Variants in ARHGEF3 observed in about 807,000 individuals in gnomAD.
The protein encoded by ARHGEF3 is Rho guanine nucleotide exchange factor 3.
Under a neutral mutation model 63.2 loss-of-function variants are expected in ARHGEF3, and 28 were observed. The observed-to-expected ratio is 0.44, with a 90% CI of 0.33 to 0.61. The LOEUF (loss-of-function observed/expected upper bound fraction) is 0.61. ARHGEF3 is among the 20% of genes least tolerant of loss of function. The probability of loss-of-function intolerance (pLI) is 0.03; values close to 1 mark genes in which losing one functional copy is unlikely to be tolerated. For synonymous variants in ARHGEF3, 266 were observed against 254.2 expected (o/e 1.05, Z -0.44); for missense variants, 533 against 659.3 (o/e 0.81, Z 2.10).
At chr3:56,958,595 G>A (rs1163807879) in intron 3 of ARHGEF3, among the ~76,000 whole-genome samples, 2 of 152,084 alleles carry the variant, frequency 1.3e-5, no homozygotes, top group Non-Finnish European at 2.9e-5. Context: ...GCCTCCCAAA[G>A]TGCTGGGATT....
intron 3 of ARHGEF3, among the ~76,000 whole-genome samples, chr3:56,917,225 C>T (rs908598604): frequency 6.6e-6 from 1 of 152,184 alleles, no homozygotes; most frequent in African/African-American, 2.4e-5. Context: ...AACAAACCAG[C>T]ACTCTCACCC....
At chr3:57,005,518 G>T (rs996577788) in intron 2 of ARHGEF3, among the ~76,000 whole-genome samples, 1 of 152,092 alleles carries the variant, frequency 6.6e-6, no homozygotes, top group Admixed American at 6.5e-5. Context: ...TTTGTGCAAC[G>T]GGGCAATCTC....
intron 3 of ARHGEF3, among the ~76,000 whole-genome samples, chr3:56,896,124 G>C (rs2041294840): frequency 6.6e-6 from 1 of 152,124 alleles, no homozygotes. Context: ...GGAGGGCAGA[G>C]TGTGCAGTTT....
intron 4 of ARHGEF3, among the ~76,000 whole-genome samples, chr3:56,821,069 G>T (rs1578600489): frequency 6.6e-6 from 1 of 151,970 alleles, no homozygotes; most frequent in East Asian, 1.9e-4. Context: ...AGGCACCTGA[G>T]CCTAGGAGAC....
chr3:57,074,694 T>C (rs767814144), intron 1 of ARHGEF3: 141 of 192,088 alleles, frequency 7.3e-4, no homozygotes, highest in Non-Finnish European at 1.1e-3. Flanking sequence ...TAAGTGCCAC[T>C]AGGTGATGAG....
chr3:56,747,786 T>G (rs1175106306), intron 6 of ARHGEF3, among the ~76,000 whole-genome samples: 1 of 152,154 alleles, frequency 6.6e-6, no homozygotes, highest in Non-Finnish European at 1.5e-5. Context: ...ATCACATCAC[T>G]GCACTCCAGC....
chr3:57,067,816 A>T (rs1410480908), intron 1 of ARHGEF3, among the ~76,000 whole-genome samples: 2 of 71,674 alleles, frequency 2.8e-5, no homozygotes, highest in African/African-American at 6.8e-5. Flanking sequence ...CGTCTCTACT[A>T]AAAAAAAAAA....
intron 2 of ARHGEF3, among the ~76,000 whole-genome samples, chr3:57,006,196 A>G (rs1476333101): frequency 3.3e-5 from 5 of 152,224 alleles, no homozygotes; most frequent in Non-Finnish European, 7.3e-5. Flanking sequence ...AAGCAAGTGT[A>G]TATATAGAAA....
rs574169172 is a variant in ARHGEF3, at chr3:56,965,427, T to C, written c.63-6538A>G. Among the ~76,000 whole-genome samples the C allele has an allele frequency of 2.4e-3, 362 of 151,910 alleles. 1 individual carries two copies. Among genetic ancestry groups the C allele is most frequent in the African/African-American group, 8.4e-3 (349 of 41,396 alleles). ...TAATTAATAAAGAAATGAGAGAAAA[T>C]GTCAGCCCCAGACAGTTTAACTAAT... is the stretch of plus-strand genomic sequence containing the variant. On this transcript the variant is annotated intron_variant, in intron 2 of 12. Coordinates refer to the ARHGEF3 transcript ENST00000338458.
At chr3:56,967,515 TA>T (rs1395560653) in intron 2 of ARHGEF3, among the ~76,000 whole-genome samples, 1 of 92,554 alleles carries the variant, frequency 1.1e-5, no homozygotes, top group African/African-American at 4.4e-5. Flanking sequence ...ATATATAATA[TA>T]ATATATTATA....
rs1560165562 is a variant in ARHGEF3, at chr3:57,055,162, G to GTTTTTTT, written c.-27-19987_-27-19986insAAAAAAA. 7.2e-5 allele frequency among the ~76,000 whole-genome samples: 10 copies of GTTTTTTT among 139,800 alleles called. 1 individual carries two copies. Among genetic ancestry groups the GTTTTTTT allele is most frequent in the African/African-American group, 2.4e-4 (9 of 37,368 alleles). 91.7% of individuals were successfully genotyped at this position (139,800 alleles called of 152,430 possible). On this transcript the variant is annotated intron_variant, in intron 1 of 12. Coordinates refer to the ARHGEF3 transcript ENST00000338458. The stretch of plus-strand genomic sequence containing the variant: ...ATGATTTATAAGCTTTTCTCTTTAT[G>GTTTTTTT]CTTTTTTTTTTTTTTTTGAGACGAA...
At chr3:57,005,017 G>A (rs1480111370) in intron 2 of ARHGEF3, among the ~76,000 whole-genome samples, 2 of 151,420 alleles carry the variant, frequency 1.3e-5, no homozygotes, top group Non-Finnish European at 2.9e-5. Flanking sequence ...AATAAATGGA[G>A]GTACAAAAAA....
At chr3:56,874,536 T>C (rs983118316) in intron 4 of ARHGEF3, among the ~76,000 whole-genome samples, 2 of 152,194 alleles carry the variant, frequency 1.3e-5, no homozygotes, top group East Asian at 1.9e-4. Flanking sequence ...ATCCTGGCAA[T>C]GAAACACCAT....
At chr3:56,810,756 T>C (rs564733078) in intron 4 of ARHGEF3, among the ~76,000 whole-genome samples, 40 of 152,206 alleles carry the variant, frequency 2.6e-4, no homozygotes, top group Non-Finnish European at 5.6e-4. Context: ...GCTGTGAAAT[T>C]GACTAAGAAG....
rs1701471822 is a variant in ARHGEF3, at chr3:56,984,857, T to C, written c.63-25968A>G. Among the ~76,000 whole-genome samples, 3 of 152,184 alleles carry C rather than the reference T, an allele frequency of 2.0e-5. No homozygotes were observed. The South Asian group carries it at 6.2e-4, about 32-fold the overall frequency. On this transcript the variant is annotated intron_variant, in intron 2 of 12. Coordinates refer to the ARHGEF3 transcript ENST00000338458. ...GGGAGGGGAGCCCGGCCTTGGACAGTAGAAAAGGATCCTTCCAGGATCCTT... is the reference window on the plus strand; with the variant it reads ...GGGAGGGGAGCCCGGCCTTGGACAGCAGAAAAGGATCCTTCCAGGATCCTT...
At chr3:56,747,631 T>C (rs761218340) in intron 6 of ARHGEF3, among the ~76,000 whole-genome samples, 26 of 152,294 alleles carry the variant, frequency 1.7e-4, no homozygotes, top group Non-Finnish European at 3.5e-4. Context: ...GAGCCCAGCC[T>C]GGGCAACGTG....
intron 2 of ARHGEF3, among the ~76,000 whole-genome samples, chr3:56,764,503 A>G (rs1578447081): frequency 6.6e-6 from 1 of 152,126 alleles, no homozygotes; most frequent in Non-Finnish European, 1.5e-5. Flanking sequence ...CTACGGCAGG[A>G]GAGGCACTCT....
chr3:56,794,001 G>T (rs2037218822), intron 1 of ARHGEF3, among the ~76,000 whole-genome samples: 1 of 152,112 alleles, frequency 6.6e-6, no homozygotes, highest in Non-Finnish European at 1.5e-5. Context: ...ATGTCCAGAA[G>T]AAATAAGCAA....
intron 1 of ARHGEF3, among the ~76,000 whole-genome samples, chr3:57,070,441 A>C (rs1234082904): frequency 6.6e-6 from 1 of 152,222 alleles, no homozygotes; most frequent in East Asian, 1.9e-4. Context: ...TGGGTCTCAG[A>C]GTGCCTACTC....
Sources: gnomAD v4.1 joint callset for allele counts (sites outside exome capture counted in the v4.1 genomes callset) on GRCh38, gnomAD v4.1.1 for gene constraint, MANE v1.5 for transcripts, NCBI Gene and HGNC (gene_info 2026-07-23, HGNC 2026-07-21) for gene names.